The following DLG2 variants were observed in gnomAD, a reference collection of about 807,000 sequenced individuals.
DLG2 encodes disks large homolog 2.
DLG2 carries 45 observed loss-of-function variants against 132.5 expected under a neutral mutation model. The ratio of observed to expected loss-of-function variants is 0.34; its 90% confidence interval spans 0.27 to 0.44. The LOEUF is 0.44. Among genes scored for constraint, DLG2 ranks in the 20% least tolerant of loss-of-function variants. DLG2 has a pLI of 1.00. For missense variants in DLG2, 1,045 were observed against 1,196.9 expected, an observed-to-expected ratio of 0.87 and a Z score of 1.87; for synonymous variants, 424 against 419.6, an observed-to-expected ratio of 1.01 and a Z score of -0.13.
At chr11:84,160,088 C>T (rs1451848265) in intron 9 of DLG2, among the ~76,000 whole-genome samples, 1 of 152,102 alleles carries the variant, frequency 6.6e-6, no homozygotes, top group Non-Finnish European at 1.5e-5. Flanking sequence ...TAGACATATA[C>T]ATTTGAAGTT....
At chr11:83,787,344 CAG>C (rs1211598130) in intron 17 of DLG2, among the ~76,000 whole-genome samples, 7 of 42,676 alleles carry the variant, frequency 1.6e-4, no homozygotes, top group Non-Finnish European at 3.2e-4. Flanking sequence ...TTTTTTTAGA[CAG>C]AGTCTCGCTC....
At chr11:83,887,487 C>A (rs1181297652) in intron 15 of DLG2, among the ~76,000 whole-genome samples, 4 of 152,056 alleles carry the variant, frequency 2.6e-5, no homozygotes, top group African/African-American at 9.7e-5. Flanking sequence ...AGTCCAGGAC[C>A]AGACGGATTC....
chr11:85,616,677 C>T (rs565764648), intron 2 of DLG2, among the ~76,000 whole-genome samples: 1 of 152,260 alleles, frequency 6.6e-6, no homozygotes, highest in Admixed American at 6.5e-5. Flanking sequence ...GGGACTTCTC[C>T]TAGCCCCTTC....
intron 18 of DLG2, among the ~76,000 whole-genome samples, chr11:83,716,324 T>G (rs1037358781): frequency 6.6e-6 from 1 of 152,228 alleles, no homozygotes; most frequent in Non-Finnish European, 1.5e-5. Flanking sequence ...CCAGCAGCCC[T>G]GGCAGCCAGT....
intron 6 of DLG2, among the ~76,000 whole-genome samples, chr11:84,952,927 C>T (rs1236544997): frequency 1.3e-5 from 2 of 152,172 alleles, no homozygotes; most frequent in African/African-American, 4.8e-5. Flanking sequence ...ACTTCTTAGC[C>T]TTTTCAACTT....
intron 16 of DLG2, among the ~76,000 whole-genome samples, chr11:83,847,025 T>C (rs1451553428): frequency 6.6e-6 from 1 of 151,982 alleles, no homozygotes; most frequent in Non-Finnish European, 1.5e-5. Context: ...TTAAGTTATA[T>C]ATACTATCCA....
intron 6 of DLG2, among the ~76,000 whole-genome samples, chr11:84,664,700 G>A (rs762311015): frequency 9.2e-5 from 14 of 152,024 alleles, no homozygotes; most frequent in Non-Finnish European, 1.8e-4. Flanking sequence ...AAATTGTATT[G>A]ATTTTCAGAG....
intron 17 of DLG2, among the ~76,000 whole-genome samples, chr11:83,821,916 A>G (rs1397049949): frequency 2.0e-5 from 3 of 152,196 alleles, no homozygotes; most frequent in Non-Finnish European, 4.4e-5. Context: ...ATTCCTCTCT[A>G]GAGCAAACTC....
intron 19 of DLG2, among the ~76,000 whole-genome samples, chr11:83,594,407 T>A (rs745616655): frequency 6.6e-6 from 1 of 152,236 alleles, no homozygotes; most frequent in Admixed American, 6.5e-5. Context: ...TCATTGCCTG[T>A]CTTAGCTTTG....
chr11:84,159,845 T>C (rs1382263957), intron 9 of DLG2, among the ~76,000 whole-genome samples: 5 of 152,130 alleles, frequency 3.3e-5, no homozygotes, highest in African/African-American at 1.2e-4. Context: ...TTTTGTAATA[T>C]ATTTTCATGG....
intron 6 of DLG2, among the ~76,000 whole-genome samples, chr11:84,993,896 A>G (rs995826198): frequency 2.0e-5 from 3 of 152,112 alleles, no homozygotes; most frequent in Admixed American, 6.5e-5. Flanking sequence ...AGGGGTCTGC[A>G]GGAACAGACC....
intron 9 of DLG2, among the ~76,000 whole-genome samples, chr11:84,109,274 A>G (rs1312282812): frequency 1.3e-5 from 2 of 152,184 alleles, no homozygotes; most frequent in Non-Finnish European, 2.9e-5. Flanking sequence ...AAAGTTATCT[A>G]CTTTGGTCCC....
At chr11:84,526,157 A>G (rs995259391) in intron 7 of DLG2, among the ~76,000 whole-genome samples, 2 of 152,218 alleles carry the variant, frequency 1.3e-5, no homozygotes, top group African/African-American at 4.8e-5. Flanking sequence ...AATACTTTGT[A>G]CTAATCATAT....
chr11:85,215,527 C>T (rs2082529698), intron 4 of DLG2, among the ~76,000 whole-genome samples: 2 of 152,156 alleles, frequency 1.3e-5, no homozygotes, highest in Admixed American at 1.3e-4. Context: ...TCTCTGCCCT[C>T]ACCTTTTCTA....
chr11:83,653,708 TAA>T (rs1255576385), intron 18 of DLG2, among the ~76,000 whole-genome samples: 1 of 152,094 alleles, frequency 6.6e-6, no homozygotes, highest in Non-Finnish European at 1.5e-5. Context: ...TAAATCACGT[TAA>T]GAGGTAGAAG....
chr11:85,446,376 A>C (rs1417830998), intron 3 of DLG2, among the ~76,000 whole-genome samples: 1 of 152,194 alleles, frequency 6.6e-6, no homozygotes. Flanking sequence ...TTCTAAGAGA[A>C]ATTAGTTAGA....
intron 4 of DLG2, among the ~76,000 whole-genome samples, chr11:85,201,633 G>C (rs943800988): frequency 3.9e-5 from 6 of 152,088 alleles, no homozygotes; most frequent in Non-Finnish European, 8.8e-5. Context: ...AGAAGTACAG[G>C]CACAAAAAAG....
At chr11:83,710,248 C>T (rs1054590878) in intron 18 of DLG2, among the ~76,000 whole-genome samples, 6 of 151,844 alleles carry the variant, frequency 4.0e-5, no homozygotes, top group Non-Finnish European at 5.9e-5. Context: ...CTGCAATCTC[C>T]GCCTCCTGGA....
intron 17 of DLG2, among the ~76,000 whole-genome samples, chr11:83,799,039 G>C (rs762985810): frequency 2.0e-5 from 3 of 152,206 alleles, no homozygotes; most frequent in Non-Finnish European, 4.4e-5. Context: ...GTATTTCACA[G>C]TTAGTAAACT....
Sources: gnomAD v4.1 joint callset for allele counts (sites outside exome capture counted in the v4.1 genomes callset) on GRCh38, gnomAD v4.1.1 for gene constraint, MANE v1.5 for transcripts, NCBI Gene and HGNC (gene_info 2026-07-23, HGNC 2026-07-21) for gene names.